Variants in RBM44 observed in about 807,000 individuals in gnomAD.
The protein encoded by RBM44 is RNA-binding protein 44.
In RBM44, 66 loss-of-function variants were observed where a neutral mutation model predicts 105.1. The observed-to-expected ratio is 0.63, with a 90% CI of 0.52 to 0.77. The LOEUF is 0.77. RBM44 is among the 30% of genes least tolerant of loss of function. The pLI is 0.00. For missense variants in RBM44, 1,122 were observed against 1,207.8 expected (o/e 0.93, Z 1.05); for synonymous variants, 365 against 417.6 (o/e 0.87, Z 1.54).
At chr2:237,814,412 T>C (rs2061691131) in intron 2 of RBM44, among the ~76,000 whole-genome samples, 1 of 152,148 alleles carries the variant, frequency 6.6e-6, no homozygotes, top group Admixed American at 6.6e-5. Context: ...ATTCATACAT[T>C]AAATGTTGGA....
intron 1 of RBM44, among the ~76,000 whole-genome samples, chr2:237,802,716 C>T (rs573754605): frequency 3.9e-5 from 6 of 152,268 alleles, no homozygotes; most frequent in African/African-American, 1.4e-4. Context: ...ACCTCTCTGT[C>T]CTCAACACTT....
chr2:237,800,109 A>G (rs564133780), intron 1 of RBM44, among the ~76,000 whole-genome samples: 1 of 152,302 alleles, frequency 6.6e-6, no homozygotes, highest in Non-Finnish European at 1.5e-5. Context: ...GCAATGGATG[A>G]AGGTTCTGAT....
At chr2:237,828,299 T>C (rs1391478268) in intron 12 of RBM44, among the ~76,000 whole-genome samples, 1 of 152,122 alleles carries the variant, frequency 6.6e-6, no homozygotes, top group Non-Finnish European at 1.5e-5. Context: ...TGTTTGTAGT[T>C]GGGGTTGCAA....
At position 237,813,676 on chromosome 2, in the gene RBM44, C is replaced by T; in HGVS notation, c.67C>T (p.Gln23Ter). ...CTACCACAGTAATGGAGGCAACCTC[C>T]AAAAAGGTAAGGGTCTAGTCCACTT... ...KGYHSNGGNL[Q>*]KDKPSNPKKE... Residue 23 changes from glutamine (Q) to a stop codon, truncating the protein, a stop_gained, in exon 2 of 16, where the codon CAA becomes TAA. Transcript: ENST00000316997. LOFTEE classifies it high-confidence loss of function. The T allele has an allele frequency of 6.2e-7, 1 of 1,603,478 alleles. No homozygotes were observed. The highest frequency in any genetic ancestry group is 2.2e-5 in the East Asian group (1 of 44,794).
chr2:237,803,157 C>G lies in RBM44; in HGVS notation c.-19+4296C>G, dbSNP rs528497860. On this transcript the variant is annotated intron_variant, in intron 1 of 15. Transcript: ENST00000316997. This position sits in a 1 kb window ranked among gnomAD's most constrained non-coding sequence, Gnocchi z 4.2. ...TGGTGTGCACCTGTAGTGCCAGCTA[C>G]AAAGGAGGCTGAGGCAGGAGAATCA... is the stretch of plus-strand genomic sequence containing the variant. Among the ~76,000 whole-genome samples, 18 of 152,228 alleles carry G rather than the reference C, an allele frequency of 1.2e-4. No individual in the cohort carries two copies. In the East Asian group the frequency reaches 3.5e-3, roughly 29 times the overall value.
rs376760265 is a variant in RBM44 at position 237,817,030 on chromosome 2, A to T, written c.111A>T (p.Leu37Phe). The change falls in exon 3 of 16, where the codon TTA (leucine) becomes TTT (phenylalanine). Residue 37 changes from leucine to phenylalanine, a missense_variant. Transcript: ENST00000316997. ...PSNPKKENLL[L>F]SSNGCDEVKL... ...ATCCAAAGAAAGAAAATTTGTTATT[A>T]TCCTCCAATGGTTGTGATGAAGTCA... 6.4e-7 allele frequency: 1 copy of T among 1,556,190 alleles called. No homozygotes were observed. The highest frequency in any genetic ancestry group is 1.2e-5 in the South Asian group (1 of 81,992).
chr2:237,836,067 A>G (rs2061956325), intron 15 of RBM44, among the ~76,000 whole-genome samples: 1 of 152,202 alleles, frequency 6.6e-6, no homozygotes, highest in Non-Finnish European at 1.5e-5. Flanking sequence ...CTGAAAGAAG[A>G]TGCCATCTGG....
intron 1 of RBM44, among the ~76,000 whole-genome samples, chr2:237,813,260 G>T (rs980264788): frequency 7.2e-5 from 11 of 152,096 alleles, no homozygotes; most frequent in African/African-American, 2.2e-4. Context: ...GCAAGTTTTT[G>T]ATATTAACCC....
chr2:237,816,514 T>C (rs910054735), intron 2 of RBM44, among the ~76,000 whole-genome samples: 1 of 152,178 alleles, frequency 6.6e-6, no homozygotes, highest in African/African-American at 2.4e-5. Flanking sequence ...CAGGCTGCCA[T>C]AACAAAATAC....
Position 237,803,302 on chromosome 2 carries a change from G to A in RBM44, c.-19+4441G>A, listed in dbSNP as rs2061564759. ...TCTCTGTCTCTGGGTGACAGAGCGA[G>A]ACACACACACACACACATACTCTCT... On this transcript the variant is annotated intron_variant, in intron 1 of 15. Coordinates refer to ENST00000316997, the MANE Select transcript of RBM44 (RefSeq NM_001080504.3). The surrounding 1 kb of genome is among the most constrained non-coding windows in gnomAD (Gnocchi z 4.2). Among the ~76,000 whole-genome samples the A allele has an allele frequency of 6.7e-6, 1 of 149,724 alleles. No individual in the cohort carries two copies. The highest frequency in any genetic ancestry group is 1.5e-5 in the Non-Finnish European group (1 of 67,296).
rs760102915 is a variant in RBM44 at position 237,823,513 on chromosome 2, A to G, written c.2279A>G (p.Asp760Gly). Residue 760 changes from aspartate (D) to glycine (G), a missense_variant, in exon 9 of 16, where the codon GAT (aspartate) becomes GGT (glycine). By Grantham distance (94) the Asp-to-Gly change is moderately conservative (BLOSUM62 -1). This residue lies in a region of RBM44 where 918 missense variants were observed against 955.3 expected (regional missense o/e 0.96). Coordinates refer to ENST00000316997, the MANE Select transcript of RBM44 (RefSeq NM_001080504.3). ...AAGAAAGATGACTTTAAAAATGGTG[A>G]TATAAATGCAGACTTTAGTCAACTG... Reference protein sequence around the residue: ...SPKKDDFKNGDINADFSQLKL... With the variant: ...SPKKDDFKNGGINADFSQLKL... 1 of 1,537,572 alleles carries G rather than the reference A, an allele frequency of 6.5e-7. No homozygotes were observed. The highest frequency in any genetic ancestry group is 8.8e-7 in the Non-Finnish European group (1 of 1,132,830).
At position 237,842,056 on chromosome 2, in the gene RBM44, A is replaced by C. The variant is rs1396595768; in HGVS notation, c.*240A>C. On this transcript the variant is annotated 3_prime_UTR_variant, in exon 16 of 16. Transcript: ENST00000316997. ...TAAAGTTAAAATATAATTTTTAATA[A>C]GTTTTTAAATTTTTTTATTTCAATT... The C allele has an allele frequency of 6.6e-6, 1 of 152,034 alleles. No individual in the cohort carries two copies. The highest frequency in any genetic ancestry group is 1.5e-5 in the Non-Finnish European group (1 of 67,950). The allele number at this position is 152,034 out of a possible 1,614,324, so 9.4% of individuals were successfully genotyped here.
intron 9 of RBM44, 40 bp from the exon 10 acceptor site, chr2:237,824,251 G>C (rs199777229): frequency 6.2e-7 from 1 of 1,606,094 alleles, no homozygotes; most frequent in African/African-American, 1.3e-5. Context: ...TGTGTTGGAC[G>C]TTACGTGTCA....
In RBM44 at chr2:237,818,462, CAA is replaced by C; in HGVS notation, c.1548_1549del (p.Ser517CysfsTer4). 6.2e-7 allele frequency: 1 copy of C among 1,612,238 alleles called. No homozygotes were observed. Among genetic ancestry groups the C allele is most frequent in the Non-Finnish European group, 8.5e-7 (1 of 1,179,140 alleles). On this transcript the variant is annotated frameshift_variant, in exon 3 of 16. Transcript: ENST00000316997. LOFTEE classifies it high-confidence loss of function. The surrounding 1 kb of genome is among the most constrained non-coding windows in gnomAD (Gnocchi z 4.6). ...ACCTGATGAATGGCAAAATGAGAAA[CAA>C]AAAAGTGTGGCTTGTAGTACAGATT... ...KRPDEWQNEK[Q>X]KSVACSTDWS...
chr2:237,820,699 AT>A (rs1431745448), intron 5 of RBM44: 3 of 229,032 alleles, frequency 1.3e-5, no homozygotes, highest in Non-Finnish European at 8.4e-6. Context: ...ACTGTGGTTC[AT>A]TTTTTTCTTT....
chr2:237,818,776 C>T lies in RBM44; in HGVS notation c.1678-125C>T. The T allele has an allele frequency of 1.6e-6, 1 of 632,310 alleles. No homozygotes were observed. The highest frequency in any genetic ancestry group is 2.8e-5 in the South Asian group (1 of 35,776). The allele number at this position is 632,310 out of a possible 1,614,324, so 39.2% of individuals were successfully genotyped here. ...AAAAAAAAAGACGTGTAAATTACCACCAGTTCTATCCTCCTCTCCTGGCAG... is the reference window on the plus strand; with the variant it reads ...AAAAAAAAAGACGTGTAAATTACCATCAGTTCTATCCTCCTCTCCTGGCAG... On this transcript the variant is annotated intron_variant, in intron 3 of 15. Coordinates refer to ENST00000316997, the MANE Select transcript of RBM44 (RefSeq NM_001080504.3). The surrounding 1 kb of genome is among the most constrained non-coding windows in gnomAD (Gnocchi z 4.6).
chr2:237,821,656 C>A, intron 7 of RBM44, 87 bp from the exon 8 acceptor site: 1 of 942,612 alleles, frequency 1.1e-6, no homozygotes, highest in South Asian at 1.5e-5. Context: ...CTTTTAGCTA[C>A]TTTGAAATAT....
chr2:237,837,880 A>G (rs574664347), intron 15 of RBM44, among the ~76,000 whole-genome samples: 1 of 151,524 alleles, frequency 6.6e-6, no homozygotes, highest in African/African-American at 2.4e-5. Flanking sequence ...ATAACAACAG[A>G]GGATTTGGAA....
At chr2:237,799,867 C>T (rs1299619703) in intron 1 of RBM44, among the ~76,000 whole-genome samples, 3 of 152,104 alleles carry the variant, frequency 2.0e-5, no homozygotes, top group Non-Finnish European at 4.4e-5. Context: ...TTGACAAGAC[C>T]TCAGGGATAA....
Sources: gnomAD v4.1 joint callset for allele counts (sites outside exome capture counted in the v4.1 genomes callset) on GRCh38, gnomAD v4.1.1 for gene constraint, gnomAD v4.1.1 regional missense constraint, Gnocchi (gnomAD v3.1) non-coding constraint, MANE v1.5 for transcripts, NCBI Gene and HGNC (gene_info 2026-07-23, HGNC 2026-07-21) for gene names.